The following GPBP1L1 variants were observed in gnomAD, a reference collection of about 807,000 sequenced individuals.
The protein encoded by GPBP1L1 is vasculin-like protein 1.
GPBP1L1 carries 23 observed loss-of-function variants against 52.5 expected under a neutral mutation model. The observed-to-expected ratio is 0.44, with a 90% CI of 0.32 to 0.62. The LOEUF (loss-of-function observed/expected upper bound fraction) is 0.62. Among genes scored for constraint, GPBP1L1 ranks in the 20% least tolerant of loss-of-function variants. GPBP1L1 has a pLI of 0.06. For missense variants in GPBP1L1, 596 were observed against 579.3 expected, an observed-to-expected ratio of 1.03 and a Z score of -0.30; for synonymous variants, 243 against 203.1, an observed-to-expected ratio of 1.20 and a Z score of -1.67.
chr1:45,671,003 A>G (rs1359335736), intron 2 of GPBP1L1, among the ~76,000 whole-genome samples: 1 of 151,850 alleles, frequency 6.6e-6, no homozygotes, highest in South Asian at 2.1e-4. Flanking sequence ...TGTGTTAGCC[A>G]GGCTTGTCTC....
At chr1:45,644,644 T>TA in intron 6 of GPBP1L1, among the ~76,000 whole-genome samples, 1 of 152,304 alleles carries the variant, frequency 6.6e-6, no homozygotes, top group Non-Finnish European at 1.5e-5. Flanking sequence ...CTACTAGTTT[T>TA]TAGAAAATCT....
chr1:45,664,008 G>A (rs920485721), intron 2 of GPBP1L1, among the ~76,000 whole-genome samples: 2 of 151,910 alleles, frequency 1.3e-5, no homozygotes, highest in African/African-American at 4.8e-5. Flanking sequence ...TGGGACTGCA[G>A]GTGAAAGCCA....
intron 1 of GPBP1L1, 68 bp downstream of exon 1, chr1:45,686,344 C>G (rs894767018): frequency 6.6e-6 from 1 of 152,426 alleles, no homozygotes; most frequent in Non-Finnish European, 1.5e-5. Flanking sequence ...GGTTAGGCAC[C>G]GGGCGGAGCC....
chr1:45,679,538 T>C (rs1342443624), intron 2 of GPBP1L1, among the ~76,000 whole-genome samples: 2 of 152,138 alleles, frequency 1.3e-5, no homozygotes, highest in African/African-American at 4.8e-5. Context: ...TATGTGTATG[T>C]GTGCACCCAA....
intron 4 of GPBP1L1, 40 bp from the exon 5 acceptor site, chr1:45,655,359 C>CTAT (rs753193734): frequency 6.2e-7 from 1 of 1,605,594 alleles, no homozygotes; most frequent in Non-Finnish European, 8.5e-7. Context: ...GGATAAATAG[C>CTAT]TATTAGTCCT....
chr1:45,680,763 A>C (rs1230528116), intron 2 of GPBP1L1, among the ~76,000 whole-genome samples: 1 of 152,184 alleles, frequency 6.6e-6, no homozygotes, highest in East Asian at 1.9e-4. Flanking sequence ...ATTGTTGATT[A>C]AATGAGTGAA....
At chr1:45,666,224 C>T (rs1557715979) in intron 2 of GPBP1L1, among the ~76,000 whole-genome samples, 1 of 152,038 alleles carries the variant, frequency 6.6e-6, no homozygotes, top group Non-Finnish European at 1.5e-5. Context: ...CCCACTGCAA[C>T]CTCCATCCCC....
chr1:45,670,184 A>G (rs1483930856), intron 2 of GPBP1L1, among the ~76,000 whole-genome samples: 1 of 152,254 alleles, frequency 6.6e-6, no homozygotes, highest in Admixed American at 6.5e-5. Flanking sequence ...ACTGGAGGTT[A>G]TTCTTTGCTC....
At chr1:45,683,744 T>G (rs1181767044) in intron 2 of GPBP1L1, among the ~76,000 whole-genome samples, 1 of 38,102 alleles carries the variant, frequency 2.6e-5, no homozygotes, top group Non-Finnish European at 5.4e-5. Context: ...TCCTCTCTAA[T>G]AAAATACAAA....
intron 6 of GPBP1L1, among the ~76,000 whole-genome samples, chr1:45,648,920 C>T (rs1307708434): frequency 6.6e-6 from 1 of 152,078 alleles, no homozygotes; most frequent in Non-Finnish European, 1.5e-5. Flanking sequence ...ATCCCAGCTA[C>T]TTGGGAGGCT....
intron 6 of GPBP1L1, among the ~76,000 whole-genome samples, chr1:45,653,786 C>A (rs1215939774): frequency 6.6e-6 from 1 of 150,838 alleles, no homozygotes; most frequent in Non-Finnish European, 1.5e-5. Context: ...GCAACCTCTG[C>A]CACCTGGGTT....
chr1:45,670,951 C>A (rs1435118775), intron 2 of GPBP1L1, among the ~76,000 whole-genome samples: 2 of 151,690 alleles, frequency 1.3e-5, no homozygotes, highest in African/African-American at 2.4e-5. Flanking sequence ...CGCCACCACA[C>A]CCAGCTAATT....
intron 2 of GPBP1L1, among the ~76,000 whole-genome samples, chr1:45,677,719 G>A (rs1056952044): frequency 2.4e-4 from 36 of 152,296 alleles, no homozygotes; most frequent in African/African-American, 8.4e-4. Flanking sequence ...GAAGTGCTAT[G>A]ACATAATATA....
At chr1:45,661,527 C>T (rs983598212) in intron 2 of GPBP1L1, among the ~76,000 whole-genome samples, 8 of 151,586 alleles carry the variant, frequency 5.3e-5, no homozygotes, top group Non-Finnish European at 1.0e-4. Flanking sequence ...GCCATCTCAG[C>T]TCACTGCAAC....
chr1:45,652,907 G>A lies in GPBP1L1; in HGVS notation c.477+1636C>T, dbSNP rs148484238. Among the ~76,000 whole-genome samples, 14 of 152,118 alleles carry A rather than the reference G, an allele frequency of 9.2e-5. No individual in the cohort carries two copies. In the East Asian group the frequency reaches 9.6e-4, roughly 10 times the overall value. ...ACATTGTTTTCAAATCATTCCCACT[G>A]GTCTTTCTTGGATTTGCTTGTAATA... On this transcript the variant is annotated intron_variant, in intron 6 of 12. Transcript: ENST00000355105.
intron 4 of GPBP1L1, 99 bp from the exon 5 acceptor site, chr1:45,655,418 T>C (rs1231601126): frequency 3.0e-5 from 39 of 1,319,554 alleles, no homozygotes; most frequent in Non-Finnish European, 4.1e-5. Flanking sequence ...AAACAAGTAA[T>C]AATGGTGATA....
At chr1:45,684,507 C>G (rs1182736600) in intron 2 of GPBP1L1, among the ~76,000 whole-genome samples, 2 of 152,062 alleles carry the variant, frequency 1.3e-5, no homozygotes, top group African/African-American at 2.4e-5. Context: ...TGAATGTGTC[C>G]TCCTCAGCTA....
chr1:45,630,043 C>T (rs187505177), intron 11 of GPBP1L1, among the ~76,000 whole-genome samples: 47 of 152,082 alleles, frequency 3.1e-4, no homozygotes, highest in Admixed American at 1.6e-3. Flanking sequence ...CTCCGCCTCC[C>T]GGGTTCAAGC....
chr1:45,681,601 T>G (rs900871647), intron 2 of GPBP1L1, among the ~76,000 whole-genome samples: 1 of 152,192 alleles, frequency 6.6e-6, no homozygotes, highest in African/African-American at 2.4e-5. Flanking sequence ...ACTGGATTGG[T>G]GTGTTAAAGG....
Sources: allele counts gnomAD v4.1 joint callset (sites outside exome capture counted in the v4.1 genomes callset), GRCh38; gene constraint gnomAD v4.1.1; transcripts MANE v1.5; gene names NCBI Gene and HGNC (gene_info 2026-07-23, HGNC 2026-07-21).